CSNK1A1: variants seen among roughly 807,000 people sequenced by gnomAD.
CSNK1A1 encodes the protein casein kinase I isoform alpha.
A neutral mutation model predicts 46.1 loss-of-function variants in CSNK1A1; 7 were observed. The ratio of observed to expected loss-of-function variants is 0.15; its 90% CI spans 0.09 to 0.29. The LOEUF is 0.29. CSNK1A1 is among the 10% of genes least tolerant of loss of function. The pLI is 1.00. For missense variants in CSNK1A1, 96 were observed against 417.1 expected, an observed-to-expected ratio of 0.23 and a Z score of 6.71; for synonymous variants, 137 against 141.5, an observed-to-expected ratio of 0.97 and a Z score of 0.23.
intron 9 of CSNK1A1, chr5:149,503,338 A>C: frequency 1.0e-6 from 1 of 985,444 alleles, no homozygotes; most frequent in Non-Finnish European, 1.2e-6. Context: ...TCTTGAGCAC[A>C]AAGTTTTGTA....
At chr5:149,518,108 C>G (rs1304242094) in intron 4 of CSNK1A1, among the ~76,000 whole-genome samples, 2 of 152,156 alleles carry the variant, frequency 1.3e-5, no homozygotes, top group Non-Finnish European at 2.9e-5. Context: ...TTTTGTGTCA[C>G]TGCCTGAAAC....
At chr5:149,500,590 TC>T (rs1010076130) in intron 9 of CSNK1A1, among the ~76,000 whole-genome samples, 1 of 152,228 alleles carries the variant, frequency 6.6e-6, no homozygotes, top group East Asian at 1.9e-4. Flanking sequence ...TTTTTTCTTT[TC>T]TTTTTAAAAT....
At chr5:149,519,009 T>G (rs898244625) in intron 4 of CSNK1A1, among the ~76,000 whole-genome samples, 2 of 151,864 alleles carry the variant, frequency 1.3e-5, no homozygotes, top group African/African-American at 4.8e-5. Context: ...GAACAGTAAT[T>G]TTTTTTTCAA....
intron 9 of CSNK1A1, chr5:149,499,179 G>A (rs944960898): frequency 9.2e-5 from 91 of 985,074 alleles, no homozygotes; most frequent in Non-Finnish European, 1.0e-4. Context: ...TCCCCAATAC[G>A]CATTGGTCTT....
At chr5:149,508,912 A>C (rs1190508772) in intron 7 of CSNK1A1, among the ~76,000 whole-genome samples, 1 of 152,092 alleles carries the variant, frequency 6.6e-6, no homozygotes, top group African/African-American at 2.4e-5. Context: ...TATTTAACTT[A>C]TTTTTTATTA....
intron 4 of CSNK1A1, among the ~76,000 whole-genome samples, chr5:149,514,304 C>T (rs1425043641): frequency 6.6e-6 from 1 of 152,194 alleles, no homozygotes; most frequent in African/African-American, 2.4e-5. Flanking sequence ...TTCAAGTTTA[C>T]ACTCCAGAAC....
intron 2 of CSNK1A1, among the ~76,000 whole-genome samples, chr5:149,542,628 A>ATTTTTTTTTTT (rs1762300690): frequency 8.2e-5 from 1 of 12,124 alleles, no homozygotes; most frequent in African/African-American, 5.7e-4. Context: ...ATATATATAT[A>ATTTTTTTTTTT]TATATATATA....
intron 9 of CSNK1A1, chr5:149,498,320 G>A: frequency 1.0e-6 from 1 of 985,048 alleles, no homozygotes; most frequent in East Asian, 1.1e-4. Flanking sequence ...AGCACCAAAT[G>A]CCAAAAATGA....
At chr5:149,521,554 T>C (rs1184570956) in intron 3 of CSNK1A1, among the ~76,000 whole-genome samples, 1 of 151,982 alleles carries the variant, frequency 6.6e-6, no homozygotes, top group Non-Finnish European at 1.5e-5. Context: ...CCCAATGTGG[T>C]AGGATTACAG....
At chr5:149,507,334 A>G (rs2113073490) in intron 7 of CSNK1A1, among the ~76,000 whole-genome samples, 1 of 152,314 alleles carries the variant, frequency 6.6e-6, no homozygotes, top group South Asian at 2.1e-4. Context: ...ATTATGTACA[A>G]TATTAGTAGA....
chr5:149,520,630 C>A (rs997918713), intron 3 of CSNK1A1, among the ~76,000 whole-genome samples: 7 of 152,120 alleles, frequency 4.6e-5, no homozygotes, highest in Non-Finnish European at 1.5e-5. Flanking sequence ...CAGGGTCTAA[C>A]CCCATAGGAA....
intron 9 of CSNK1A1, chr5:149,498,885 T>C (rs1259436676): frequency 1.0e-6 from 1 of 985,312 alleles, no homozygotes; most frequent in African/African-American, 1.7e-5. Context: ...CTTCAGAATG[T>C]ATCTGTACAT....
intron 2 of CSNK1A1, among the ~76,000 whole-genome samples, chr5:149,535,238 A>C (rs1762027446): frequency 6.6e-6 from 1 of 152,172 alleles, no homozygotes; most frequent in South Asian, 2.1e-4. Context: ...ATTTCCACCA[A>C]GGGGATGAGT....
chr5:149,499,036 T>C, intron 9 of CSNK1A1: 1 of 985,446 alleles, frequency 1.0e-6, no homozygotes, highest in Non-Finnish European at 1.2e-6. Context: ...GGGTCAATGG[T>C]ATGACATTCC....
rs1761442499 is a variant in CSNK1A1, at chr5:149,517,664, C to T, written c.456+2626G>A. On this transcript the variant is annotated intron_variant, in intron 4 of 9. Coordinates refer to ENST00000377843, the MANE Select transcript of CSNK1A1 (RefSeq NM_001892.6). The surrounding 1 kb of genome is among the most constrained non-coding windows in gnomAD (Gnocchi z 4.4). ...GCCAAGTATGTCTGAATAATGCCAA[C>T]GTAAGAGGTGCTTGAGCAAGATCTA... 1.6e-6 allele frequency: 1 copy of T among 613,330 alleles called. No individual in the cohort carries two copies. Among genetic ancestry groups the T allele is most frequent in the South Asian group, 2.2e-5 (1 of 45,860 alleles). 38.0% of individuals were successfully genotyped at this position (613,330 alleles called of 1,614,324 possible). A position where few individuals can be genotyped will look rare whatever the true frequency, so the allele number is the denominator to read the frequency against.
chr5:149,530,116 T>A (rs1029913387), intron 2 of CSNK1A1, among the ~76,000 whole-genome samples: 11 of 152,138 alleles, frequency 7.2e-5, no homozygotes, highest in African/African-American at 1.7e-4. Flanking sequence ...TTAATGTAGA[T>A]CTTCCCCTTC....
intron 2 of CSNK1A1, among the ~76,000 whole-genome samples, chr5:149,548,571 G>GA (rs202189456): frequency 0.06 from 8,897 of 149,228 alleles, 369 homozygotes; most frequent in Middle Eastern, 0.12. Context: ...CGTTTCAAAA[G>GA]AAAAAAAAGC....
chr5:149,499,715 C>T (rs779905880), intron 9 of CSNK1A1, among the ~76,000 whole-genome samples: 44 of 151,798 alleles, frequency 2.9e-4, no homozygotes, highest in Middle Eastern at 6.8e-3. Context: ...AGCCTCCCCA[C>T]AAAGTGTGTA....
At chr5:149,498,690 C>A in intron 9 of CSNK1A1, 1 of 985,352 alleles carries the variant, frequency 1.0e-6, no homozygotes, top group Non-Finnish European at 1.2e-6. Context: ...CGTATTTTCA[C>A]AACTACTAAA....
Sources: allele counts gnomAD v4.1 joint callset (sites outside exome capture counted in the v4.1 genomes callset), GRCh38; gene constraint gnomAD v4.1.1; non-coding constraint Gnocchi (gnomAD v3.1); transcripts MANE v1.5; gene names NCBI Gene and HGNC (gene_info 2026-07-23, HGNC 2026-07-21).